Variants in RORA observed in about 807,000 individuals in gnomAD.
RORA encodes RAR related orphan receptor A.
In RORA, 7 loss-of-function variants were observed where a neutral mutation model predicts 69.5. That is an observed-to-expected ratio of 0.10 (90% confidence interval 0.06 to 0.19). The LOEUF (loss-of-function observed/expected upper bound fraction) is 0.19, where lower values mean the gene tolerates loss of function less well. RORA is among the 10% of genes least tolerant of loss of function. The probability of loss-of-function intolerance (pLI) is 1.00; values close to 1 mark genes in which losing one functional copy is unlikely to be tolerated. For synonymous variants in RORA, 261 were observed against 240.8 expected (o/e 1.08, Z -0.78); for missense variants, 457 against 663.0 (o/e 0.69, Z 3.41).
At chr15:60,642,967 A>G (rs111743983) in intron 2 of RORA, among the ~76,000 whole-genome samples, 8,980 of 152,166 alleles carry the variant, frequency 0.059, 649 homozygotes, top group African/African-American at 0.17. Context: ...GACCAGCCTG[A>G]GCAACATGGC....
At chr15:61,178,869 C>G (rs1377158320) in intron 1 of RORA, among the ~76,000 whole-genome samples, 1 of 152,134 alleles carries the variant, frequency 6.6e-6, no homozygotes, top group Non-Finnish European at 1.5e-5. Context: ...AGACTATACC[C>G]GCTTTTGAAA....
intron 2 of RORA, among the ~76,000 whole-genome samples, chr15:60,605,029 A>T (rs559351163): frequency 2.0e-4 from 31 of 152,338 alleles, no homozygotes; most frequent in African/African-American, 7.5e-4. Flanking sequence ...ATTTGGACAT[A>T]CAGATAGTGC....
At chr15:60,801,272 C>T (rs1433444626) in intron 1 of RORA, among the ~76,000 whole-genome samples, 4 of 152,140 alleles carry the variant, frequency 2.6e-5, no homozygotes, top group African/African-American at 9.7e-5. Flanking sequence ...GCCTCCCCCT[C>T]CCCCCTCCTT....
intron 1 of RORA, among the ~76,000 whole-genome samples, chr15:60,768,226 C>T (rs1329483974): frequency 6.6e-6 from 1 of 152,244 alleles, no homozygotes; most frequent in Admixed American, 6.5e-5. Flanking sequence ...GCACTCACTA[C>T]TTCCAATACC....
intron 1 of RORA, among the ~76,000 whole-genome samples, chr15:61,153,725 T>C (rs2079417697): frequency 6.6e-6 from 1 of 152,178 alleles, no homozygotes; most frequent in Admixed American, 6.5e-5. Context: ...TATTGCTACA[T>C]GCATCAATAA....
intron 2 of RORA, among the ~76,000 whole-genome samples, chr15:60,619,848 T>C (rs980948345): frequency 5.3e-5 from 8 of 152,270 alleles, no homozygotes; most frequent in African/African-American, 1.7e-4. Flanking sequence ...AGGCACTTTC[T>C]GCAGAAGGTG....
At chr15:60,673,517 G>C (rs907480020) in intron 2 of RORA, among the ~76,000 whole-genome samples, 1 of 152,184 alleles carries the variant, frequency 6.6e-6, no homozygotes, top group Non-Finnish European at 1.5e-5. Flanking sequence ...GATGAGCAGC[G>C]GGGATAGGTT....
chr15:61,150,187 T>A (rs1355348664), intron 1 of RORA, among the ~76,000 whole-genome samples: 1 of 152,194 alleles, frequency 6.6e-6, no homozygotes, highest in Non-Finnish European at 1.5e-5. Context: ...AAGCCACACA[T>A]GACAAGGGGT....
intron 1 of RORA, among the ~76,000 whole-genome samples, chr15:60,960,407 T>C (rs545409079): frequency 1.4e-4 from 21 of 152,270 alleles, no homozygotes; most frequent in African/African-American, 5.1e-4. Flanking sequence ...GCAGCTGAGA[T>C]AGCACTTGAG....
intron 1 of RORA, among the ~76,000 whole-genome samples, chr15:61,142,138 AT>A (rs2079305648): frequency 1.2e-5 from 1 of 82,640 alleles, no homozygotes; most frequent in South Asian, 9.4e-4. Context: ...AATATAGACC[AT>A]TTATAAAGTT....
chr15:60,997,750 T>G (rs1322221934), intron 1 of RORA, among the ~76,000 whole-genome samples: 1 of 152,182 alleles, frequency 6.6e-6, no homozygotes, highest in Non-Finnish European at 1.5e-5. Flanking sequence ...AAAAAGTGAT[T>G]TTGTCACCAG....
intron 1 of RORA, among the ~76,000 whole-genome samples, chr15:61,160,961 C>T (rs769223565): frequency 6.6e-6 from 1 of 152,150 alleles, no homozygotes; most frequent in Non-Finnish European, 1.5e-5. Context: ...TGCACTGGGG[C>T]AAGCACGGAT....
At chr15:60,822,323 A>G (rs1170987693) in intron 1 of RORA, among the ~76,000 whole-genome samples, 1 of 152,184 alleles carries the variant, frequency 6.6e-6, no homozygotes, top group Non-Finnish European at 1.5e-5. Flanking sequence ...AGAACTGGAA[A>G]TGAACCTGGC....
intron 1 of RORA, among the ~76,000 whole-genome samples, chr15:61,139,349 T>G (rs2079275833): frequency 6.6e-6 from 1 of 152,142 alleles, no homozygotes; most frequent in Non-Finnish European, 1.5e-5. Context: ...GGGAAACACT[T>G]GTCTAAATAG....
intron 1 of RORA, among the ~76,000 whole-genome samples, chr15:60,933,671 G>A (rs1892437106): frequency 1.3e-5 from 2 of 152,174 alleles, no homozygotes; most frequent in South Asian, 4.1e-4. Context: ...TTCCCATCAT[G>A]CCAGGGTATA....
Position 60,889,428 on chromosome 15 carries a change from T to C in RORA, c.167-210742A>G, listed in dbSNP as rs888139217. On this transcript the variant is annotated intron_variant, in intron 1 of 10. Coordinates refer to ENST00000335670, the MANE Select transcript of RORA (RefSeq NM_134261.3). Reference sequence around the variant, plus strand: ...GCATCTGGCACTCATTTGTTCATTTTCCTCTCAGAACCCTGGTGAATTAGG... The same window carrying C: ...GCATCTGGCACTCATTTGTTCATTTCCCTCTCAGAACCCTGGTGAATTAGG... 3.2e-4 allele frequency among the ~76,000 whole-genome samples: 48 copies of C among 152,340 alleles called. 1 individual carries two copies. The Middle Eastern group carries it at 0.01, about 32-fold the overall frequency.
At chr15:60,497,876 C>T (rs542544687) in intron 10 of RORA, among the ~76,000 whole-genome samples, 44 of 151,588 alleles carry the variant, frequency 2.9e-4, no homozygotes, top group African/African-American at 9.7e-4. Context: ...CTGGGAAACA[C>T]GGTGAAACCC....
rs1238034814 is a variant in RORA at position 60,493,604 on chromosome 15, C to T, written c.*3851G>A. The T allele has an allele frequency of 6.6e-6, 1 of 151,818 alleles. No homozygotes were observed. The highest frequency in any genetic ancestry group is 1.5e-5 in the Non-Finnish European group (1 of 67,954). 9.4% of individuals were successfully genotyped at this position (151,818 alleles called of 1,614,324 possible). Reference sequence around the variant, plus strand: ...AATGAAATAAAAAGTTTTCCAAAGACAGATAGACAAATTCCATCAAGAAAA... The same window carrying T: ...AATGAAATAAAAAGTTTTCCAAAGATAGATAGACAAATTCCATCAAGAAAA... On this transcript the variant is annotated 3_prime_UTR_variant, in exon 11 of 11. Transcript: ENST00000335670.
intron 2 of RORA, among the ~76,000 whole-genome samples, chr15:60,540,574 C>CG (rs376142482): frequency 1.9e-5 from 2 of 102,666 alleles, no homozygotes; most frequent in Admixed American, 1.1e-4. Context: ...ACCCCCCCCC[C>CG]CCAAAACTGT....
Sources: gnomAD v4.1 joint callset for allele counts (sites outside exome capture counted in the v4.1 genomes callset) on GRCh38, gnomAD v4.1.1 for gene constraint, MANE v1.5 for transcripts, NCBI Gene and HGNC (gene_info 2026-07-23, HGNC 2026-07-21) for gene names.